Variants in FRAS1 observed in about 807,000 individuals in gnomAD.
The protein encoded by FRAS1 is Fraser extracellular matrix complex subunit 1, also known as extracellular matrix organizing protein FRAS1.
FRAS1 carries 290 observed loss-of-function variants against 435.2 expected under a neutral mutation model. The ratio of observed to expected loss-of-function variants is 0.67; its 90% CI spans 0.61 to 0.73. FRAS1 has a LOEUF of 0.73. FRAS1 is among the 30% of genes least tolerant of loss of function. The probability of loss-of-function intolerance (pLI) is 0.00; values close to 1 mark genes in which losing one functional copy is unlikely to be tolerated. For missense variants in FRAS1, 4,860 were observed against 5,001.5 expected, an observed-to-expected ratio of 0.97 and a Z score of 0.85; for synonymous variants, 1,800 against 1,851.0, an observed-to-expected ratio of 0.97 and a Z score of 0.71.
chr4:78,170,537 G>C (rs1261533075), intron 2 of FRAS1, among the ~76,000 whole-genome samples: 2 of 152,010 alleles, frequency 1.3e-5, no homozygotes, highest in Non-Finnish European at 2.9e-5. Flanking sequence ...CCATAGATGA[G>C]ATCTGCATCT....
chr4:78,126,953 A>G (rs1719394861), intron 2 of FRAS1, among the ~76,000 whole-genome samples: 1 of 152,174 alleles, frequency 6.6e-6, no homozygotes, highest in Non-Finnish European at 1.5e-5. Flanking sequence ...AGCCCCAACC[A>G]TTTATTCATT....
At chr4:78,164,769 T>C (rs938703857) in intron 2 of FRAS1, among the ~76,000 whole-genome samples, 3 of 152,210 alleles carry the variant, frequency 2.0e-5, no homozygotes, top group Non-Finnish European at 4.4e-5. Context: ...ATCGTTTTCA[T>C]GAACGTCCTT....
intron 30 of FRAS1, among the ~76,000 whole-genome samples, chr4:78,402,851 T>C (rs1391353585): frequency 6.6e-6 from 1 of 152,186 alleles, no homozygotes; most frequent in Non-Finnish European, 1.5e-5. Context: ...GCTGGTCAGA[T>C]ATTTGTAGAC....
At chr4:78,176,374 G>A (rs972933939) in intron 2 of FRAS1, among the ~76,000 whole-genome samples, 1 of 152,082 alleles carries the variant, frequency 6.6e-6, no homozygotes, top group Non-Finnish European at 1.5e-5. Context: ...ATGAGGACTC[G>A]CAATTCCACC....
chr4:78,141,178 A>G (rs1720166496), intron 2 of FRAS1, among the ~76,000 whole-genome samples: 1 of 152,066 alleles, frequency 6.6e-6, no homozygotes, highest in East Asian at 1.9e-4. Flanking sequence ...TATTTCTCCT[A>G]ATGCTATCTC....
chr4:78,298,370 T>C (rs1468630383), intron 14 of FRAS1, among the ~76,000 whole-genome samples: 1 of 151,850 alleles, frequency 6.6e-6, no homozygotes, highest in Non-Finnish European at 1.5e-5. Flanking sequence ...CCTTATAATA[T>C]CATGTTGTAT....
intron 66 of FRAS1, among the ~76,000 whole-genome samples, chr4:78,517,453 G>T (rs947387248): frequency 1.3e-5 from 2 of 152,178 alleles, no homozygotes; most frequent in Non-Finnish European, 2.9e-5. Context: ...CAAAGACAAG[G>T]ATTTGTTATA....
chr4:78,505,909 G>A (rs1217316672), intron 61 of FRAS1, among the ~76,000 whole-genome samples: 2 of 152,170 alleles, frequency 1.3e-5, no homozygotes, highest in South Asian at 2.1e-4. Context: ...TACAGATGGG[G>A]TTTTGGTGTG....
intron 45 of FRAS1, 81 bp downstream of exon 45, chr4:78,450,420 C>G (rs752324170): frequency 2.3e-5 from 26 of 1,135,684 alleles, no homozygotes; most frequent in Non-Finnish European, 3.1e-5. Flanking sequence ...ATCTGGTAGT[C>G]TATGGCAATA....
chr4:78,512,824 A>G (rs1463884958), intron 64 of FRAS1, among the ~76,000 whole-genome samples: 2 of 152,210 alleles, frequency 1.3e-5, no homozygotes, highest in African/African-American at 2.4e-5. Flanking sequence ...GATAGGACTT[A>G]CAGGCAGACT....
chr4:78,495,095 T>G (rs1469314289), intron 59 of FRAS1, among the ~76,000 whole-genome samples: 1 of 152,212 alleles, frequency 6.6e-6, no homozygotes, highest in Non-Finnish European at 1.5e-5. Flanking sequence ...TTCATATGCT[T>G]GCTAGCTTAT....
At chr4:78,279,882 G>T (rs917207659) in intron 10 of FRAS1, among the ~76,000 whole-genome samples, 1 of 152,140 alleles carries the variant, frequency 6.6e-6, no homozygotes, top group African/African-American at 2.4e-5. Flanking sequence ...GTGGATGCTT[G>T]AAACTGTGAA....
At chr4:78,464,621 G>A in intron 49 of FRAS1, 38 bp downstream of exon 49, 1 of 1,608,492 alleles carries the variant, frequency 6.2e-7, no homozygotes, top group South Asian at 1.1e-5. Flanking sequence ...CTGGCTAAAT[G>A]AGAGGCTGAC....
chr4:78,430,499 G>A (rs972367697), intron 37 of FRAS1, 82 bp downstream of exon 37: 10 of 1,422,324 alleles, frequency 7.0e-6, no homozygotes, highest in South Asian at 4.0e-5. Context: ...TGTCTCAGAC[G>A]AGAGCAAAGC....
intron 2 of FRAS1, among the ~76,000 whole-genome samples, chr4:78,132,078 T>C (rs1010258010): frequency 1.3e-5 from 2 of 152,204 alleles, no homozygotes; most frequent in Non-Finnish European, 2.9e-5. Context: ...TCTTACTGTG[T>C]GTGGTTGAGG....
At chr4:78,464,618 A>G (rs1442369347) in intron 49 of FRAS1, 35 bp downstream of exon 49, 11 of 1,609,244 alleles carry the variant, frequency 6.8e-6, no homozygotes, top group African/African-American at 2.7e-5. Context: ...TCTCTGGCTA[A>G]ATGAGAGGCT....
intron 2 of FRAS1, among the ~76,000 whole-genome samples, chr4:78,080,330 C>T (rs1740837866): frequency 6.6e-6 from 1 of 152,048 alleles, no homozygotes; most frequent in South Asian, 2.1e-4. Flanking sequence ...TCAGAAGTGT[C>T]CATTAGATAA....
chr4:78,433,960 A>G (rs1560725306), intron 38 of FRAS1, among the ~76,000 whole-genome samples: 1 of 152,236 alleles, frequency 6.6e-6, no homozygotes. Flanking sequence ...AAAAACTCCA[A>G]AAGAACTATT....
chr4:78,083,658 C>T (rs1578112055), intron 2 of FRAS1, among the ~76,000 whole-genome samples: 1 of 87,144 alleles, frequency 1.1e-5, no homozygotes, highest in African/African-American at 4.7e-5. Context: ...AAGAATCTAA[C>T]ATAGATCACA....
Sources: gnomAD v4.1 joint callset for allele counts (sites outside exome capture counted in the v4.1 genomes callset) on GRCh38, gnomAD v4.1.1 for gene constraint, MANE v1.5 for transcripts, NCBI Gene and HGNC (gene_info 2026-07-23, HGNC 2026-07-21) for gene names.